Variants in PCDH15 observed in about 807,000 individuals in gnomAD.
PCDH15 encodes the protein protocadherin related 15.
A neutral mutation model predicts 178.5 loss-of-function variants in PCDH15; 129 were observed. The ratio of observed to expected loss-of-function variants is 0.72; its 90% CI spans 0.63 to 0.84. PCDH15 has a LOEUF of 0.84. Among genes scored for constraint, PCDH15 ranks in the 40% least tolerant of loss-of-function variants. PCDH15 has a pLI of 0.00. For missense variants in PCDH15, 2,230 were observed against 2,099.9 expected, an observed-to-expected ratio of 1.06 and a Z score of -1.21; for synonymous variants, 800 against 732.0, an observed-to-expected ratio of 1.09 and a Z score of -1.50.
intron 2 of PCDH15, among the ~76,000 whole-genome samples, chr10:55,618,794 A>G (rs1385071367): frequency 2.0e-5 from 3 of 152,134 alleles, no homozygotes; most frequent in Non-Finnish European, 2.9e-5. Flanking sequence ...TTGTGTACTG[A>G]CCTAAAAAGG....
At chr10:54,259,747 G>A (rs879942508) in intron 8 of PCDH15, among the ~76,000 whole-genome samples, 13 of 152,070 alleles carry the variant, frequency 8.5e-5, no homozygotes, top group Non-Finnish European at 1.9e-4. Flanking sequence ...TTGTGTCCTA[G>A]AAACTCATTT....
chr10:54,575,597 T>C (rs1282809703), intron 2 of PCDH15, among the ~76,000 whole-genome samples: 1 of 152,196 alleles, frequency 6.6e-6, no homozygotes, highest in Non-Finnish European at 1.5e-5. Context: ...TCTCTTAATC[T>C]TTTAAAGCTT....
intron 2 of PCDH15, among the ~76,000 whole-genome samples, chr10:55,163,867 C>T (rs1839124546): frequency 1.3e-5 from 2 of 152,090 alleles, no homozygotes; most frequent in Non-Finnish European, 1.5e-5. Flanking sequence ...AGTAATCTAC[C>T]CCTTGTTTAG....
intron 1 of PCDH15, among the ~76,000 whole-genome samples, chr10:54,762,138 T>C (rs1220742388): frequency 1.3e-5 from 2 of 152,102 alleles, no homozygotes; most frequent in Non-Finnish European, 2.9e-5. Context: ...TAGCATAATG[T>C]CAGAGCATAT....
chr10:55,370,888 A>T (rs1845492408), intron 2 of PCDH15, among the ~76,000 whole-genome samples: 1 of 152,140 alleles, frequency 6.6e-6, no homozygotes, highest in East Asian at 1.9e-4. Flanking sequence ...GTGCCCAATT[A>T]TATTATCACT....
At chr10:54,968,037 G>T (rs188436680) in intron 2 of PCDH15, among the ~76,000 whole-genome samples, 1 of 152,078 alleles carries the variant, frequency 6.6e-6, no homozygotes, top group Non-Finnish European at 1.5e-5. Context: ...TTTAACATAC[G>T]CATTTTGGGG....
chr10:54,394,728 C>T (rs2135384071), intron 3 of PCDH15, among the ~76,000 whole-genome samples: 1 of 152,208 alleles, frequency 6.6e-6, no homozygotes, highest in African/African-American at 2.4e-5. Flanking sequence ...TCCTAATAAG[C>T]CTGGGAGCGC....
At chr10:55,243,879 C>T (rs1841618806) in intron 1 of PCDH15, among the ~76,000 whole-genome samples, 1 of 152,028 alleles carries the variant, frequency 6.6e-6, no homozygotes, top group Admixed American at 6.6e-5. Flanking sequence ...TCTCTGAATG[C>T]TAAATGTGAA....
chr10:54,755,638 C>A (rs1480176141), intron 1 of PCDH15, among the ~76,000 whole-genome samples: 1 of 151,966 alleles, frequency 6.6e-6, no homozygotes. Context: ...CTTTATGACA[C>A]AATAGTAAAC....
At chr10:55,037,617 A>T (rs1564738100) in intron 2 of PCDH15, among the ~76,000 whole-genome samples, 1 of 152,166 alleles carries the variant, frequency 6.6e-6, no homozygotes, top group African/African-American at 2.4e-5. Flanking sequence ...GACATCATGG[A>T]TCTGAAATTA....
At chr10:53,867,851 G>C (rs758265249) in intron 26 of PCDH15, among the ~76,000 whole-genome samples, 2 of 152,058 alleles carry the variant, frequency 1.3e-5, no homozygotes, top group Non-Finnish European at 2.9e-5. Context: ...TCTCTAATTA[G>C]AGTTAGAATA....
At chr10:53,869,967 G>T (rs892525178) in intron 26 of PCDH15, among the ~76,000 whole-genome samples, 1 of 151,984 alleles carries the variant, frequency 6.6e-6, no homozygotes, top group Non-Finnish European at 1.5e-5. Context: ...ATTCAATTTT[G>T]CACTGTAAGA....
intron 2 of PCDH15, among the ~76,000 whole-genome samples, chr10:55,541,407 T>A (rs1233983982): frequency 6.6e-6 from 1 of 152,064 alleles, no homozygotes; most frequent in East Asian, 1.9e-4. Context: ...CTACATCTTC[T>A]TACTGTTTTT....
At chr10:54,419,315 A>G (rs1289783460) in intron 3 of PCDH15, among the ~76,000 whole-genome samples, 1 of 151,948 alleles carries the variant, frequency 6.6e-6, no homozygotes, top group African/African-American at 2.4e-5. Context: ...CATAAGCAGT[A>G]TTTTGTCCAA....
intron 18 of PCDH15, among the ~76,000 whole-genome samples, chr10:54,062,415 CAATT>C (rs2094049049): frequency 6.6e-6 from 1 of 151,726 alleles, no homozygotes; most frequent in African/African-American, 2.4e-5. Context: ...TTTTTGATGA[CAATT>C]AAAATTAAAT....
At chr10:54,961,286 G>C (rs1263386221) in intron 2 of PCDH15, among the ~76,000 whole-genome samples, 2 of 152,194 alleles carry the variant, frequency 1.3e-5, no homozygotes, top group Non-Finnish European at 2.9e-5. Flanking sequence ...GCACCCTCCA[G>C]ACTTTGGGTG....
intron 1 of PCDH15, among the ~76,000 whole-genome samples, chr10:55,261,374 G>T (rs2132235291): frequency 6.6e-6 from 1 of 152,184 alleles, no homozygotes; most frequent in South Asian, 2.1e-4. Context: ...GAAATTTAGG[G>T]CACAGCCATC....
intron 3 of PCDH15, among the ~76,000 whole-genome samples, chr10:54,891,776 T>C (rs1954466333): frequency 6.6e-6 from 1 of 152,142 alleles, no homozygotes; most frequent in African/African-American, 2.4e-5. Flanking sequence ...CAGGTATTTG[T>C]AGCAAGGACA....
chr10:55,222,439 G>C (rs1435224363), intron 1 of PCDH15, among the ~76,000 whole-genome samples: 1 of 151,854 alleles, frequency 6.6e-6, no homozygotes, highest in Non-Finnish European at 1.5e-5. Context: ...GGTGAGAGGA[G>C]AAACAACATC....
Sources: allele counts gnomAD v4.1 joint callset (sites outside exome capture counted in the v4.1 genomes callset), GRCh38; gene constraint gnomAD v4.1.1; transcripts MANE v1.5; gene names NCBI Gene and HGNC (gene_info 2026-07-23, HGNC 2026-07-21).